Variants in BRF1 observed in about 807,000 individuals in gnomAD.
BRF1 encodes the protein BRF1 general transcription factor IIIB subunit.
BRF1 carries 59 observed loss-of-function variants against 81.7 expected under a neutral mutation model. That is an observed-to-expected ratio of 0.72 (90% CI 0.59 to 0.90). BRF1 has a LOEUF of 0.90. Among genes scored for constraint, BRF1 ranks in the 40% least tolerant of loss-of-function variants. The pLI is 0.00. For missense variants in BRF1, 1,050 were observed against 936.3 expected, an observed-to-expected ratio of 1.12 and a Z score of -1.58; for synonymous variants, 491 against 395.6, an observed-to-expected ratio of 1.24 and a Z score of -2.86.
In BRF1 at chr14:105,250,189, T is replaced by C. The variant is rs1218602813; in HGVS notation, c.544+2318A>G. On this transcript the variant is annotated intron_variant, in intron 5 of 17. Transcript: ENST00000547530. ...CCACCAACAAGCCCCGCCTGGACTTTCCCCTGACCAAGAGGAAGGGCCTCG... is the reference window on the plus strand; with the variant it reads ...CCACCAACAAGCCCCGCCTGGACTTCCCCCTGACCAAGAGGAAGGGCCTCG... 5 of 1,612,822 alleles carry C rather than the reference T, an allele frequency of 3.1e-6. No homozygotes were observed. In the African/African-American group the frequency reaches 4.0e-5, roughly 13 times the overall value.
At chr14:105,311,675 C>G (rs2058352118) in intron 1 of BRF1, among the ~76,000 whole-genome samples, 1 of 152,230 alleles carries the variant, frequency 6.6e-6, no homozygotes, top group Non-Finnish European at 1.5e-5. Flanking sequence ...AGGCCTCACT[C>G]TCAGCAGTTG....
intron 2 of BRF1, among the ~76,000 whole-genome samples, chr14:105,280,112 T>G (rs946203917): frequency 6.6e-6 from 1 of 152,234 alleles, no homozygotes; most frequent in African/African-American, 2.4e-5. Flanking sequence ...TACAGCAGCT[T>G]CACTCATAAT....
At chr14:105,248,317 A>C in intron 5 of BRF1, 1 of 985,300 alleles carries the variant, frequency 1.0e-6, no homozygotes, top group Non-Finnish European at 1.2e-6. Flanking sequence ...TCCTAACCAA[A>C]AGATCGCTAA....
chr14:105,250,161 C>T (rs587694532), intron 5 of BRF1: 9 of 1,612,906 alleles, frequency 5.6e-6, no homozygotes, highest in East Asian at 4.5e-5. Flanking sequence ...CTGTGGTACA[C>T]GGCCACCAAC....
chr14:105,211,978 G>C, intron 16 of BRF1, 135 bp downstream of exon 16: 3 of 1,324,044 alleles, frequency 2.3e-6, no homozygotes, highest in Non-Finnish European at 3.2e-6. Flanking sequence ...GCCATGCCAG[G>C]CAAGTATGGG....
chr14:105,309,201 T>C lies in BRF1; in HGVS notation c.-162+6121A>G, dbSNP rs1175294394. On this transcript the variant is annotated intron_variant, in intron 1 of 17. Transcript: ENST00000327359. The surrounding 1 kb of genome is among the most constrained non-coding windows in gnomAD (Gnocchi z 4.0). ...GGCTTATTGTGATGATATTCTATTG[T>C]GGGAAAGAAAGAAGTGTTAAAATTT... Among the ~76,000 whole-genome samples the C allele has an allele frequency of 6.6e-6, 1 of 152,294 alleles. No homozygotes were observed. The highest frequency in any genetic ancestry group is 2.1e-4 in the South Asian group (1 of 4,826).
At chr14:105,305,026 G>C (rs779974322), upstream of BRF1, among the ~76,000 whole-genome samples, 21 of 152,226 alleles carry the variant, frequency 1.4e-4, no homozygotes, top group Non-Finnish European at 2.4e-4. Context: ...CTTGCCCCAA[G>C]GCGATGGTTT....
rs1292854782 is a variant in BRF1, at chr14:105,271,556, C to A, written c.439+1165G>T. On this transcript the variant is annotated intron_variant, in intron 3 of 17. Transcript: ENST00000547530. This position sits in a 1 kb window ranked among gnomAD's most constrained non-coding sequence, Gnocchi z 5.5. ...TCTCCCAGGGAGCCATTGCAGGAGG[C>A]ACCTCACAAGATGAGGAGGGTGTGG... Among the ~76,000 whole-genome samples, 1 of 152,198 alleles carries A rather than the reference C, an allele frequency of 6.6e-6. No homozygotes were observed. Among genetic ancestry groups the A allele is most frequent in the East Asian group, 1.9e-4 (1 of 5,198 alleles).
chr14:105,286,169 C>T (rs946277398), intron 2 of BRF1, 127 bp downstream of exon 2: 15 of 1,060,998 alleles, frequency 1.4e-5, no homozygotes, highest in South Asian at 1.3e-4. Flanking sequence ...CTGGGCTGGG[C>T]GTGCAGGGTG....
chr14:105,225,978 C>T (rs1893022844), intron 10 of BRF1, 91 bp downstream of exon 10: 4 of 1,293,668 alleles, frequency 3.1e-6, no homozygotes, highest in Non-Finnish European at 3.2e-6. Context: ...ATCCCCTTCC[C>T]TTTCCAGGTC....
chr14:105,244,602 C>A (rs587644391), intron 5 of BRF1, among the ~76,000 whole-genome samples: 2 of 152,132 alleles, frequency 1.3e-5, no homozygotes, highest in African/African-American at 4.8e-5. Flanking sequence ...GGAAAGGAAC[C>A]CATGTCAAGC....
chr14:105,268,851 T>C (rs926702953), intron 3 of BRF1, among the ~76,000 whole-genome samples: 8 of 152,092 alleles, frequency 5.3e-5, no homozygotes, highest in Non-Finnish European at 1.2e-4. Context: ...ACGGGAGCTG[T>C]GCAGGCAGCA....
intron 2 of BRF1, among the ~76,000 whole-genome samples, chr14:105,275,366 G>A (rs146026304): frequency 4.8e-4 from 73 of 152,344 alleles, no homozygotes; most frequent in African/African-American, 1.7e-3. Flanking sequence ...CTGAGCTGAC[G>A]TGGAAGGCTG....
rs77183143 is a variant in BRF1, at chr14:105,284,060, C to T, written c.265+2236G>A. On this transcript the variant is annotated intron_variant, in intron 2 of 17. Transcript: ENST00000547530. The surrounding 1 kb of genome is among the most constrained non-coding windows in gnomAD (Gnocchi z 4.0). ...TGTGCCAGGTCTTCATGCACACTCT[C>T]GGTGGCAGACACAGAGAACCAGCCA... Among the ~76,000 whole-genome samples, 1,566 of 152,162 alleles carry T rather than the reference C, an allele frequency of 0.01. 32 individuals carry two copies. The highest frequency in any genetic ancestry group is 0.036 in the African/African-American group (1,501 of 41,508).
chr14:105,288,193 G>A (rs1287965592), intron 1 of BRF1, among the ~76,000 whole-genome samples: 2 of 152,094 alleles, frequency 1.3e-5, no homozygotes, highest in Admixed American at 6.6e-5. Context: ...GGTGGCTCAC[G>A]CTTGTAATCC....
upstream of BRF1, among the ~76,000 whole-genome samples, chr14:105,301,858 C>G (rs1026959563): frequency 6.6e-6 from 1 of 152,222 alleles, no homozygotes; most frequent in Non-Finnish European, 1.5e-5. Flanking sequence ...AATGCGTAAC[C>G]AGGCGTAGTG....
At chr14:105,229,648 GA>G (rs2054412184) in intron 6 of BRF1, among the ~76,000 whole-genome samples, 1 of 150,998 alleles carries the variant, frequency 6.6e-6, no homozygotes, top group Non-Finnish European at 1.5e-5. Context: ...GGGGGCGGGG[GA>G]CAGCCTGGCA....
chr14:105,241,439 GC>G, intron 5 of BRF1, 25 bp from the exon 6 acceptor site: 1 of 1,608,180 alleles, frequency 6.2e-7, no homozygotes, highest in Non-Finnish European at 8.5e-7. Flanking sequence ...GCACCTCAGT[GC>G]CCACCTCCAT....
At chr14:105,262,913 T>C (rs1226588033) in intron 3 of BRF1, among the ~76,000 whole-genome samples, 1 of 151,340 alleles carries the variant, frequency 6.6e-6, no homozygotes. Flanking sequence ...AAGACCAGCC[T>C]GGACAACATA....
Sources: allele counts gnomAD v4.1 joint callset (sites outside exome capture counted in the v4.1 genomes callset), GRCh38; gene constraint gnomAD v4.1.1; non-coding constraint Gnocchi (gnomAD v3.1); transcripts MANE v1.5; gene names NCBI Gene and HGNC (gene_info 2026-07-23, HGNC 2026-07-21).